Variants in INPP4B observed in about 807,000 individuals in gnomAD.
INPP4B encodes inositol polyphosphate-4-phosphatase type II B, also known as inositol polyphosphate 4-phosphatase type II.
In INPP4B, 55 loss-of-function variants were observed where a neutral mutation model predicts 122.5. That is an observed-to-expected ratio of 0.45 (90% CI 0.36 to 0.56). INPP4B has a LOEUF of 0.56. INPP4B is among the 20% of genes least tolerant of loss of function. The pLI is 0.00. For missense variants in INPP4B, 1,000 were observed against 1,097.7 expected (o/e 0.91, Z 1.26); for synonymous variants, 403 against 388.7 (o/e 1.04, Z -0.43).
chr4:142,606,080 T>A (rs1489771280), intron 2 of INPP4B, among the ~76,000 whole-genome samples: 1 of 151,936 alleles, frequency 6.6e-6, no homozygotes, highest in Admixed American at 6.6e-5. Flanking sequence ...GAGGATGAAA[T>A]CATGTCATTT....
At chr4:142,546,032 A>T (rs1158786707) in intron 2 of INPP4B, among the ~76,000 whole-genome samples, 2 of 151,926 alleles carry the variant, frequency 1.3e-5, no homozygotes, top group Non-Finnish European at 2.9e-5. Flanking sequence ...TTTATCACCT[A>T]GGTATTAAGC....
chr4:142,562,238 C>A (rs1730628302), intron 2 of INPP4B, among the ~76,000 whole-genome samples: 1 of 152,098 alleles, frequency 6.6e-6, no homozygotes, highest in Admixed American at 6.5e-5. Flanking sequence ...TCTCATGAAG[C>A]TTTGAAAGGT....
intron 2 of INPP4B, among the ~76,000 whole-genome samples, chr4:142,503,620 G>A (rs1352830343): frequency 2.6e-5 from 4 of 152,048 alleles, no homozygotes; most frequent in African/African-American, 9.7e-5. Flanking sequence ...TGCAATTAGA[G>A]TTCCAACAGG....
chr4:142,353,765 C>T (rs1404203408), intron 7 of INPP4B, among the ~76,000 whole-genome samples: 1 of 151,988 alleles, frequency 6.6e-6, no homozygotes, highest in African/African-American at 2.4e-5. Context: ...TCTCTAATTT[C>T]TAATAGCATT....
intron 2 of INPP4B, among the ~76,000 whole-genome samples, chr4:142,552,853 G>A (rs1349747735): frequency 1.3e-5 from 2 of 152,168 alleles, no homozygotes; most frequent in Non-Finnish European, 2.9e-5. Context: ...GCTTTGGACA[G>A]ACATTTGAAC....
chr4:142,652,896 C>A (rs1753306710), intron 2 of INPP4B, among the ~76,000 whole-genome samples: 1 of 152,162 alleles, frequency 6.6e-6, no homozygotes, highest in South Asian at 2.1e-4. Flanking sequence ...AAAGAGCCTG[C>A]ATTGCCAAGA....
intron 9 of INPP4B, among the ~76,000 whole-genome samples, chr4:142,303,406 A>G (rs887453817): frequency 6.6e-6 from 1 of 152,186 alleles, no homozygotes; most frequent in South Asian, 2.1e-4. Context: ...TTTTAAAATT[A>G]ATGACTATAA....
chr4:142,280,237 A>G (rs1485086366), intron 9 of INPP4B, among the ~76,000 whole-genome samples: 1 of 151,974 alleles, frequency 6.6e-6, no homozygotes, highest in African/African-American at 2.4e-5. Flanking sequence ...ATAAAAACCT[A>G]TACATGAGAA....
intron 2 of INPP4B, among the ~76,000 whole-genome samples, chr4:142,555,543 G>T (rs769439008): frequency 2.6e-5 from 4 of 152,000 alleles, no homozygotes; most frequent in Non-Finnish European, 5.9e-5. Context: ...ACTTTCATAG[G>T]GTGAGGACTT....
intron 3 of INPP4B, among the ~76,000 whole-genome samples, chr4:142,440,088 A>C (rs1811366311): frequency 6.6e-6 from 1 of 152,196 alleles, no homozygotes; most frequent in Admixed American, 6.5e-5. Context: ...AACAAGATTG[A>C]TTCCAATAAG....
At chr4:142,361,056 T>C (rs529345980) in intron 7 of INPP4B, among the ~76,000 whole-genome samples, 1 of 151,880 alleles carries the variant, frequency 6.6e-6, no homozygotes, top group Non-Finnish European at 1.5e-5. Context: ...TCCATTTGAT[T>C]TTCCCTTCTA....
At chr4:142,325,518 C>A (rs539817600) in intron 7 of INPP4B, among the ~76,000 whole-genome samples, 1 of 152,088 alleles carries the variant, frequency 6.6e-6, no homozygotes, top group Non-Finnish European at 1.5e-5. Flanking sequence ...TCACTAAATG[C>A]GATCATCTTT....
chr4:142,111,359 T>C (rs938645630), intron 22 of INPP4B, among the ~76,000 whole-genome samples: 1 of 152,114 alleles, frequency 6.6e-6, no homozygotes, highest in Non-Finnish European at 1.5e-5. Context: ...TTTTGTTTGT[T>C]TTTTGAGACG....
chr4:142,342,541 A>G (rs1310492745), intron 7 of INPP4B, among the ~76,000 whole-genome samples: 1 of 152,152 alleles, frequency 6.6e-6, no homozygotes, highest in African/African-American at 2.4e-5. Context: ...TTGAGGATGG[A>G]GAAATATATT....
At chr4:142,053,846 C>T (rs1756006060) in intron 25 of INPP4B, among the ~76,000 whole-genome samples, 1 of 152,028 alleles carries the variant, frequency 6.6e-6, no homozygotes, top group East Asian at 1.9e-4. Flanking sequence ...TGACCATTCT[C>T]TAATCCACTT....
intron 2 of INPP4B, among the ~76,000 whole-genome samples, chr4:142,495,747 G>T (rs17016233): frequency 0.05 from 7,554 of 152,158 alleles, 430 homozygotes; most frequent in East Asian, 0.32. Flanking sequence ...AGAGGCTTTT[G>T]CTTTAGCACT....
At chr4:142,581,234 A>G (rs1180059384) in intron 2 of INPP4B, among the ~76,000 whole-genome samples, 1 of 152,062 alleles carries the variant, frequency 6.6e-6, no homozygotes, top group Admixed American at 6.6e-5. Flanking sequence ...TACATATTTT[A>G]TATTTCTCAA....
chr4:142,323,441 G>A (rs1233345718), intron 7 of INPP4B, among the ~76,000 whole-genome samples: 1 of 141,312 alleles, frequency 7.1e-6, no homozygotes, highest in African/African-American at 2.6e-5. Context: ...CGGTTATGAT[G>A]ACTTTTTTTT....
chr4:142,045,850 A>C (rs1294774651), intron 25 of INPP4B, among the ~76,000 whole-genome samples: 1 of 152,116 alleles, frequency 6.6e-6, no homozygotes, highest in African/African-American at 2.4e-5. Flanking sequence ...TATTTTCATG[A>C]AACTTATATT....
Sources: allele counts gnomAD v4.1 joint callset (sites outside exome capture counted in the v4.1 genomes callset), GRCh38; gene constraint gnomAD v4.1.1; transcripts MANE v1.5; gene names NCBI Gene and HGNC (gene_info 2026-07-23, HGNC 2026-07-21).